The following TARS1 variants were observed in gnomAD, a reference collection of about 807,000 sequenced individuals.
TARS1 encodes threonyl-tRNA synthetase 1.
A neutral mutation model predicts 97.7 loss-of-function variants in TARS1; 57 were observed. The observed-to-expected ratio is 0.58, with a 90% CI of 0.47 to 0.73. TARS1 has a LOEUF of 0.73. Among genes scored for constraint, TARS1 ranks in the 30% least tolerant of loss-of-function variants. The pLI is 0.00. For synonymous variants in TARS1, 312 were observed against 293.7 expected (o/e 1.06, Z -0.64); for missense variants, 806 against 888.3 (o/e 0.91, Z 1.18).
intron 2 of TARS1, chr5:33,446,589 T>G (rs1012941635): frequency 2.0e-5 from 18 of 912,900 alleles, no homozygotes; most frequent in Non-Finnish European, 2.6e-5. Flanking sequence ...GTCCAAGACC[T>G]TGGTCTTCCC....
intron 9 of TARS1, among the ~76,000 whole-genome samples, chr5:33,458,320 G>A (rs1742127485): frequency 6.6e-6 from 1 of 152,192 alleles, no homozygotes; most frequent in South Asian, 2.1e-4. Flanking sequence ...CCACTGTTGG[G>A]GAAACTTGAC....
At chr5:33,453,709 CTA>C (rs970738676) in intron 4 of TARS1, among the ~76,000 whole-genome samples, 4 of 151,264 alleles carry the variant, frequency 2.6e-5, no homozygotes, top group African/African-American at 7.3e-5. Context: ...ACTGTGAACA[CTA>C]TTTTATTTTA....
intron 2 of TARS1, among the ~76,000 whole-genome samples, chr5:33,447,309 C>T (rs1223196098): frequency 6.6e-6 from 1 of 152,106 alleles, no homozygotes; most frequent in Non-Finnish European, 1.5e-5. Context: ...TGCAGTGGCC[C>T]AATCTTGGCT....
rs533232112 is a variant in TARS1 at position 33,454,394 on chromosome 5, A to G, written c.454-551A>G. Among the ~76,000 whole-genome samples the G allele has an allele frequency of 3.0e-4, 45 of 152,358 alleles. No homozygotes were observed. The South Asian group carries it at 9.3e-3, about 32-fold the overall frequency. ...CTTTGGGTGTATTCTGACTCATCCCAGTGATTACTTTAAAACCAAGTACTG... is the reference window on the plus strand; with the variant it reads ...CTTTGGGTGTATTCTGACTCATCCCGGTGATTACTTTAAAACCAAGTACTG... On this transcript the variant is annotated intron_variant, in intron 4 of 18. Coordinates refer to ENST00000265112, the MANE Select transcript of TARS1 (RefSeq NM_152295.5).
intron 1 of TARS1, 93 bp downstream of exon 1, chr5:33,441,236 A>C (rs1741077293): frequency 1.3e-6 from 2 of 1,533,208 alleles, no homozygotes; most frequent in Admixed American, 3.4e-5. Context: ...AGGAAGCAGG[A>C]AGCGGCCGGG....
chr5:33,440,955 G>A (rs1039768218), upstream of TARS1: 1 of 1,061,938 alleles, frequency 9.4e-7, no homozygotes. Flanking sequence ...GCGGGGTTAG[G>A]GCGCCTTTCG....
chr5:33,461,648 C>A lies in TARS1; in HGVS notation c.1552-19C>A, dbSNP rs762363222. The A allele has an allele frequency of 2.5e-6, 4 of 1,601,800 alleles. No individual in the cohort carries two copies. The highest frequency in any genetic ancestry group is 1.1e-5 in the South Asian group (1 of 87,970). ...AAATTGCGATGAAAAAAATAAAAAT[C>A]ATTTTGCTTTATCCTCAGCAACTTG... On this transcript the variant is annotated intron_variant, in intron 13 of 18. Coordinates refer to ENST00000265112, the MANE Select transcript of TARS1 (RefSeq NM_152295.5).
chr5:33,458,199 A>T (rs963001680), intron 9 of TARS1, among the ~76,000 whole-genome samples: 1 of 152,190 alleles, frequency 6.6e-6, no homozygotes, highest in Non-Finnish European at 1.5e-5. Flanking sequence ...AAATAAATAC[A>T]TACATAAATA....
Position 33,461,742 on chromosome 5 carries a change from A to C in TARS1, c.1627A>C (p.Lys543Gln). 1 of 1,613,460 alleles carries C rather than the reference A, an allele frequency of 6.2e-7. No individual in the cohort carries two copies. The highest frequency in any genetic ancestry group is 8.5e-7 in the Non-Finnish European group (1 of 1,179,470). The change falls in exon 14 of 19, where the codon AAG becomes CAG. Residue 543 changes from lysine to glutamine, a missense_variant and splice_region_variant. By Grantham distance (53) the Lys-to-Gln change is moderately conservative. Around this residue, in one of 3 missense-constraint regions of TARS1, gnomAD observed 446 missense variants for 511.0 expected, o/e 0.87. Coordinates refer to ENST00000265112, the MANE Select transcript of TARS1 (RefSeq NM_152295.5). ...TGGAGATGGAGCTTTCTATGGCCCAAAGGTGAGCACTAAAGTACATTTGGG... is the reference window on the plus strand; with the variant it reads ...TGGAGATGGAGCTTTCTATGGCCCACAGGTGAGCACTAAAGTACATTTGGG... ...NSGDGAFYGP[K>Q]IDIQIKDAIG...
At chr5:33,446,715 G>A (rs1459545492) in intron 2 of TARS1, 2 of 1,289,402 alleles carry the variant, frequency 1.6e-6, no homozygotes, top group South Asian at 2.5e-5. Context: ...TTGGGACATT[G>A]CAAGTGGCTA....
chr5:33,458,736 A>T, intron 10 of TARS1, 72 bp downstream of exon 10: 2 of 1,161,336 alleles, frequency 1.7e-6, no homozygotes, highest in Non-Finnish European at 2.5e-6. Flanking sequence ...GGTCTACTAA[A>T]AGGAAAGATA....
At chr5:33,451,665 G>A (rs1170816488) in intron 3 of TARS1, among the ~76,000 whole-genome samples, 8 of 152,278 alleles carry the variant, frequency 5.3e-5, no homozygotes, top group Non-Finnish European at 2.9e-5. Flanking sequence ...GAGCCACTGC[G>A]CCTGGCCGTT....
rs764605421 is a variant in TARS1 at position 33,467,635 on chromosome 5, C to G, written c.2099C>G (p.Thr700Ser). ...GACAATAAGGTCCACGGGGAACGCA[C>G]CATTTCTGAAACTATCGAGCGGCTA... ...TRDNKVHGER[T>S]ISETIERLQQ... is the part of the protein sequence containing the mutation. The change falls in exon 19 of 19, where the codon ACC (threonine) becomes AGC (serine). Residue 700 changes from threonine (T) to serine (S), a missense_variant. Thr to Ser is a moderately conservative substitution (Grantham distance 58, BLOSUM62 1). Transcript: ENST00000265112. 3 of 1,613,886 alleles carry G rather than the reference C, an allele frequency of 1.9e-6. No individual in the cohort carries two copies. Among genetic ancestry groups the G allele is most frequent in the South Asian group, 1.1e-5 (1 of 91,066 alleles).
At chr5:33,443,498 C>CGTT (rs1328066065) in intron 1 of TARS1, among the ~76,000 whole-genome samples, 1 of 99,660 alleles carries the variant, frequency 1.0e-5, no homozygotes, top group East Asian at 2.7e-4. Flanking sequence ...TTTTTGTTGT[C>CGTT]GTTGTTGTTG....
rs139198513 is a variant in TARS1, at chr5:33,444,898, G to C, written c.58-426G>C. Among the ~76,000 whole-genome samples the C allele has an allele frequency of 9.9e-5, 15 of 151,822 alleles. 1 individual carries two copies. The highest frequency in any genetic ancestry group is 3.4e-4 in the African/African-American group (14 of 41,410). On this transcript the variant is annotated intron_variant, in intron 1 of 18. Transcript: ENST00000265112. ...ATGGTAGGGATTGGGCCTTATGTTT[G>C]CTTCTTCCATGGCTTTTGTTAGCAC...
chr5:33,453,203 A>G, intron 3 of TARS1, 86 bp from the exon 4 acceptor site: 1 of 1,338,474 alleles, frequency 7.5e-7, no homozygotes. Context: ...ATATATAATA[A>G]AAATAGTGTT....
At chr5:33,448,887 A>G (rs1333996810) in intron 3 of TARS1, among the ~76,000 whole-genome samples, 156 bp downstream of exon 3, 1 of 152,248 alleles carries the variant, frequency 6.6e-6, no homozygotes, top group African/African-American at 2.4e-5. Flanking sequence ...TTAAAAATCA[A>G]AATGATACAG....
chr5:33,459,540 T>G (rs970246582), intron 10 of TARS1, among the ~76,000 whole-genome samples, 155 bp from the exon 11 acceptor site: 1 of 152,242 alleles, frequency 6.6e-6, no homozygotes, highest in East Asian at 1.9e-4. Context: ...GCCAAGAGTT[T>G]TCTCTCTGGT....
intron 12 of TARS1, 41 bp from the exon 13 acceptor site, chr5:33,461,117 G>T (rs375385032): frequency 6.2e-7 from 1 of 1,605,030 alleles, no homozygotes; most frequent in Non-Finnish European, 8.5e-7. Flanking sequence ...GAAAGTCAAG[G>T]AAAATAACTA....
Sources: gnomAD v4.1 joint callset for allele counts (sites outside exome capture counted in the v4.1 genomes callset) on GRCh38, gnomAD v4.1.1 for gene constraint, gnomAD v4.1.1 regional missense constraint, MANE v1.5 for transcripts, NCBI Gene and HGNC (gene_info 2026-07-23, HGNC 2026-07-21) for gene names.